CNTLN: variants seen among roughly 807,000 people sequenced by gnomAD.
CNTLN encodes centlein, centrosomal protein.
A neutral mutation model predicts 180.0 loss-of-function variants in CNTLN; 212 were observed. That is an observed-to-expected ratio of 1.18 (90% CI 1.05 to 1.32). The LOEUF (loss-of-function observed/expected upper bound fraction) is 1.32. CNTLN is among the 40% of genes most tolerant of loss of function. The pLI is 0.00. For missense variants in CNTLN, 2,095 were observed against 1,610.9 expected, an observed-to-expected ratio of 1.30 and a Z score of -5.14; for synonymous variants, 722 against 563.1, an observed-to-expected ratio of 1.28 and a Z score of -3.99.
chr9:17,189,106 G>A (rs1587068456), intron 2 of CNTLN, among the ~76,000 whole-genome samples: 1 of 92,630 alleles, frequency 1.1e-5, no homozygotes, highest in African/African-American at 4.3e-5. Flanking sequence ...TTTTTGAGAT[G>A]GAGCATCCCT....
At chr9:17,299,071 GTTTCT>G (rs1365034210) in intron 7 of CNTLN, 1 of 362,444 alleles carries the variant, frequency 2.8e-6, no homozygotes, top group African/African-American at 2.2e-5. Flanking sequence ...ATGAAACCCT[GTTTCT>G]ACTAAAAATA....
chr9:17,193,657 C>T (rs376921752), intron 2 of CNTLN, among the ~76,000 whole-genome samples: 4 of 152,160 alleles, frequency 2.6e-5, no homozygotes, highest in African/African-American at 9.7e-5. Flanking sequence ...CATCGAGTGT[C>T]AGCGGCTTTT....
In CNTLN at chr9:17,394,540, G is replaced by T; in HGVS notation, c.2086G>T (p.Glu696Ter). The T allele has an allele frequency of 6.4e-7, 1 of 1,563,986 alleles. No individual in the cohort carries two copies. Among genetic ancestry groups the T allele is most frequent in the Non-Finnish European group, 8.6e-7 (1 of 1,156,396 alleles). Residue 696 changes from glutamate to a stop codon, truncating the protein, a stop_gained, in exon 15 of 26, where the codon GAG (glutamate) becomes TAG (stop). Coordinates refer to ENST00000380647, the MANE Select transcript of CNTLN (RefSeq NM_017738.4). LOFTEE classifies it high-confidence loss of function. ...AATAAACTCTTTCCTTTAGGTCACT[G>T]AGTTGGAAAATCGGCTGAAATCTTT... is the stretch of plus-strand genomic sequence containing the variant. ...MLEQTLQKVT[E>*]LENRLKSFEK... is the part of the protein sequence containing the mutation.
At chr9:17,298,863 T>A (rs1818140132) in intron 7 of CNTLN, 1 of 985,446 alleles carries the variant, frequency 1.0e-6, no homozygotes, top group African/African-American at 1.7e-5. Context: ...TTTACAGTTG[T>A]TTTAGGAGCC....
At chr9:17,358,288 C>G (rs1386976934) in intron 12 of CNTLN, among the ~76,000 whole-genome samples, 2 of 151,952 alleles carry the variant, frequency 1.3e-5, no homozygotes, top group Non-Finnish European at 2.9e-5. Flanking sequence ...CTGCATTTAA[C>G]ATGCATAAAC....
At chr9:17,527,608 T>A in the CNTLN span, among the ~76,000 whole-genome samples, 389 of 152,088 alleles carry the variant, frequency 2.6e-3, no homozygotes, top group African/African-American at 8.6e-3. Flanking sequence ...GAGAGTGATG[T>A]GTGTGGTAAA....
At chr9:17,213,430 A>T (rs183542325) in intron 2 of CNTLN, among the ~76,000 whole-genome samples, 13 of 152,282 alleles carry the variant, frequency 8.5e-5, no homozygotes, top group Admixed American at 2.0e-4. Flanking sequence ...ACAGTTTGTT[A>T]TAATTTCTGT....
intron 12 of CNTLN, among the ~76,000 whole-genome samples, chr9:17,359,195 CT>C (rs1057347221): frequency 7.4e-4 from 112 of 151,960 alleles, no homozygotes; most frequent in African/African-American, 2.5e-3. Context: ...ATTTTTTGTA[CT>C]TTTGTAGAGA....
rs566408873 is a variant in CNTLN, at chr9:17,430,636, A to G, written c.3114+14447A>G. 2.6e-5 allele frequency among the ~76,000 whole-genome samples: 4 copies of G among 152,210 alleles called. 1 individual carries two copies. In the South Asian group the frequency reaches 8.3e-4, roughly 32 times the overall value. Reference sequence around the variant, plus strand: ...TAGTTGCCCTACTGTACTACTGAACACTAGAACTTATTCCTTCTATGTAAC... The same window carrying G: ...TAGTTGCCCTACTGTACTACTGAACGCTAGAACTTATTCCTTCTATGTAAC... On this transcript the variant is annotated intron_variant, in intron 18 of 25. Transcript: ENST00000380647.
At chr9:17,514,488 T>C in the CNTLN span, among the ~76,000 whole-genome samples, 2 of 151,992 alleles carry the variant, frequency 1.3e-5, no homozygotes, top group African/African-American at 2.4e-5. Flanking sequence ...CAGAAGAAGA[T>C]GAAAGGATCC....
At chr9:17,325,348 G>A (rs1312832700) in intron 8 of CNTLN, among the ~76,000 whole-genome samples, 1 of 149,314 alleles carries the variant, frequency 6.7e-6, no homozygotes, top group Non-Finnish European at 1.5e-5. Flanking sequence ...GGCATTTCAT[G>A]AGAAGAAAAG....
intron 8 of CNTLN, among the ~76,000 whole-genome samples, chr9:17,317,289 C>A (rs563237006): frequency 6.6e-6 from 1 of 152,104 alleles, no homozygotes; most frequent in African/African-American, 2.4e-5. Flanking sequence ...TAAATAATGG[C>A]TCTCATGTTA....
At chr9:17,274,582 GTTTA>G (rs989857368) in intron 6 of CNTLN, among the ~76,000 whole-genome samples, 1 of 151,804 alleles carries the variant, frequency 6.6e-6, no homozygotes, top group African/African-American at 2.4e-5. Context: ...GCATGCATGT[GTTTA>G]TTTATTTTGG....
At chr9:17,506,280 A>C (rs1431190850), downstream of CNTLN, among the ~76,000 whole-genome samples, 1 of 152,130 alleles carries the variant, frequency 6.6e-6, no homozygotes, top group Non-Finnish European at 1.5e-5. Flanking sequence ...GTTTTACTTC[A>C]TCAAAATTAA....
At chr9:17,288,983 T>G (rs1427225902) in intron 6 of CNTLN, among the ~76,000 whole-genome samples, 1 of 121,306 alleles carries the variant, frequency 8.2e-6, no homozygotes, top group Non-Finnish European at 1.7e-5. Flanking sequence ...CTGTGTCTTT[T>G]AATTGGAGAA....
chr9:17,336,559 A>G lies in CNTLN; in HGVS notation c.1644+3829A>G, dbSNP rs111527814. On this transcript the variant is annotated intron_variant, in intron 10 of 25. Coordinates refer to ENST00000380647, the MANE Select transcript of CNTLN (RefSeq NM_017738.4). ...AGATTTTTTCTTATGAATTATGTCT[A>G]TCAAATGATTTGCAAATAATAGCTA... Among the ~76,000 whole-genome samples the G allele has an allele frequency of 3.0e-3, 450 of 152,332 alleles. 4 individuals are homozygous for G. The highest frequency in any genetic ancestry group is 0.01 in the African/African-American group (425 of 41,578).
chr9:17,487,279 G>A, intron 25 of CNTLN: 1 of 525,230 alleles, frequency 1.9e-6, no homozygotes, highest in Non-Finnish European at 3.4e-6. Flanking sequence ...GAGCCAACAT[G>A]GGTCTTAGCA....
chr9:17,312,655 C>T (rs1013981629), intron 8 of CNTLN, among the ~76,000 whole-genome samples: 3 of 151,010 alleles, frequency 2.0e-5, no homozygotes, highest in East Asian at 1.9e-4. Flanking sequence ...CACCCACCTC[C>T]GCCTCCCAAA....
intron 5 of CNTLN, among the ~76,000 whole-genome samples, chr9:17,245,581 C>T (rs1825751438): frequency 6.6e-6 from 1 of 151,714 alleles, no homozygotes. Context: ...ATATTGATAT[C>T]TTTCCCTAGG....
Sources: gnomAD v4.1 joint callset for allele counts (sites outside exome capture counted in the v4.1 genomes callset) on GRCh38, gnomAD v4.1.1 for gene constraint, MANE v1.5 for transcripts, NCBI Gene and HGNC (gene_info 2026-07-23, HGNC 2026-07-21) for gene names.